The following ADAMTS14 variants were observed in gnomAD, a reference collection of about 807,000 sequenced individuals.
The protein encoded by ADAMTS14 is A disintegrin and metalloproteinase with thrombospondin motifs 14.
A neutral mutation model predicts 128.6 loss-of-function variants in ADAMTS14; 100 were observed. The observed-to-expected ratio is 0.78, with a 90% CI of 0.66 to 0.92. ADAMTS14 has a LOEUF of 0.92. ADAMTS14 is among the 40% of genes least tolerant of loss of function. The pLI is 0.00. For missense variants in ADAMTS14, 1,562 were observed against 1,658.6 expected (o/e 0.94, Z 1.01); for synonymous variants, 665 against 653.8 (o/e 1.02, Z -0.26).
At position 70,735,254 on chromosome 10, in the gene ADAMTS14, G is replaced by A; in HGVS notation, c.1438G>A (p.Glu480Lys). 1.2e-6 allele frequency: 2 copies of A among 1,614,072 alleles called. No individual in the cohort carries two copies. The highest frequency in any genetic ancestry group is 1.7e-5 in the Admixed American group (1 of 60,016). ...ELPGINYSMD[E>K]QCRFDFGSGY... Reference sequence around the variant, plus strand: ...GCCTGGGATCAACTACTCAATGGATGAGCAGTGCCGCTTTGACTTTGGCAG... The same window carrying A: ...GCCTGGGATCAACTACTCAATGGATAAGCAGTGCCGCTTTGACTTTGGCAG... The change falls in exon 9 of 22, where the codon GAG becomes AAG. Residue 480 changes from glutamate (E) to lysine (K), a missense_variant. By Grantham distance (56) the Glu-to-Lys change is moderately conservative (BLOSUM62 1). Transcript: ENST00000373207.
chr10:70,728,839 C>T (rs1841526306), intron 4 of ADAMTS14, among the ~76,000 whole-genome samples: 2 of 152,250 alleles, frequency 1.3e-5, no homozygotes, highest in Admixed American at 6.5e-5. Flanking sequence ...GGAGTGCCCA[C>T]TGCTGCCTCC....
intron 4 of ADAMTS14, among the ~76,000 whole-genome samples, chr10:70,725,689 T>C (rs912905819): frequency 6.6e-6 from 1 of 152,200 alleles, no homozygotes; most frequent in African/African-American, 2.4e-5. Flanking sequence ...CCTAATACCA[T>C]TCCCTTGGGA....
Position 70,744,062 on chromosome 10 carries a change from T to A in ADAMTS14, c.2059-4T>A. The stretch of plus-strand genomic sequence containing the variant: ...CCTCCCACTGACCTCACCTCTGGCC[T>A]CAGCCTGTCGGCTGTGACAAGGAGG... On this transcript the variant is annotated splice_region_variant and splice_polypyrimidine_tract_variant and intron_variant, in intron 13 of 21. Coordinates refer to ENST00000373207, the MANE Select transcript of ADAMTS14 (RefSeq NM_080722.4). 1 of 1,560,266 alleles carries A rather than the reference T, an allele frequency of 6.4e-7. No homozygotes were observed. Among genetic ancestry groups the A allele is most frequent in the South Asian group, 1.2e-5 (1 of 84,490 alleles).
chr10:70,679,904 G>A (rs182610915), intron 2 of ADAMTS14, among the ~76,000 whole-genome samples: 2 of 152,232 alleles, frequency 1.3e-5, no homozygotes, highest in African/African-American at 2.4e-5. Flanking sequence ...AAGCTCCTTC[G>A]GCACCTCCCT....
In ADAMTS14 at chr10:70,675,131, C is replaced by T. The variant is rs1839607241; in HGVS notation, c.522+136C>T. On this transcript the variant is annotated intron_variant, in intron 2 of 21. Transcript: ENST00000373207. ...TGCTGCCTTCCAGAGGGAGTGCCGC[C>T]TGCCCCCGCGGGCCACTAGGTTCAT... is the stretch of plus-strand genomic sequence containing the variant. 7.3e-6 allele frequency: 8 copies of T among 1,095,400 alleles called. No individual in the cohort carries two copies. The South Asian group carries it at 1.2e-4, about 17-fold the overall frequency. The allele number at this position is 1,095,400 out of a possible 1,614,324, so 67.9% of individuals were successfully genotyped here.
At chr10:70,744,643 C>G (rs1842119598) in intron 14 of ADAMTS14, among the ~76,000 whole-genome samples, 1 of 152,144 alleles carries the variant, frequency 6.6e-6, no homozygotes, top group East Asian at 1.9e-4. Flanking sequence ...TCTCTACCTC[C>G]AATCTGACCA....
chr10:70,675,828 G>A (rs984331483), intron 2 of ADAMTS14, among the ~76,000 whole-genome samples: 1 of 152,166 alleles, frequency 6.6e-6, no homozygotes, highest in African/African-American at 2.4e-5. Flanking sequence ...GGTCCTGTTG[G>A]GCAGCTCTTC....
At chr10:70,748,723 ATAGT>A (rs36134571) in intron 15 of ADAMTS14, among the ~76,000 whole-genome samples, 41,195 of 151,986 alleles carry the variant, frequency 0.27, 5,735 homozygotes, top group Admixed American at 0.38. Flanking sequence ...TGACTGGCAC[ATAGT>A]TAGTGTTCTC....
Position 70,749,878 on chromosome 10 carries a change from A to G in ADAMTS14, c.2320A>G (p.Thr774Ala). The G allele has an allele frequency of 6.2e-7, 1 of 1,614,100 alleles. No homozygotes were observed. The highest frequency in any genetic ancestry group is 1.3e-5 in the African/African-American group (1 of 75,048). The part of the protein sequence containing the change: ...FILNPKGKEA[T>A]SRTFTAMGLE... Reference sequence around the variant, plus strand: ...CCTCAACCCCAAGGGCAAGGAAGCCACAAGCCGGACCTTCACCGCCATGGG... The same window carrying G: ...CCTCAACCCCAAGGGCAAGGAAGCCGCAAGCCGGACCTTCACCGCCATGGG... Residue 774 changes from threonine to alanine, a missense_variant, in exon 16 of 22, where the codon ACA (threonine) becomes GCA (alanine). Transcript: ENST00000373207.
chr10:70,723,120 G>A (rs376928051), intron 4 of ADAMTS14, among the ~76,000 whole-genome samples: 5 of 152,262 alleles, frequency 3.3e-5, no homozygotes, highest in African/African-American at 9.6e-5. Context: ...TACCCCTGTG[G>A]GCTTCCTCCC....
intron 12 of ADAMTS14, among the ~76,000 whole-genome samples, chr10:70,741,582 G>A (rs980193929): frequency 1.3e-5 from 2 of 152,208 alleles, no homozygotes; most frequent in African/African-American, 4.8e-5. Flanking sequence ...CCAGTGTCCT[G>A]AGGAGCTCAG....
intron 14 of ADAMTS14, among the ~76,000 whole-genome samples, chr10:70,744,696 T>C (rs895132478): frequency 3.9e-5 from 6 of 152,194 alleles, no homozygotes; most frequent in Admixed American, 3.3e-4. Context: ...CTTCACACTT[T>C]AGTATAAATG....
chr10:70,710,643 TCC>T (rs1840822966), intron 4 of ADAMTS14, among the ~76,000 whole-genome samples: 1 of 152,232 alleles, frequency 6.6e-6, no homozygotes, highest in African/African-American at 2.4e-5. Flanking sequence ...CTCGGCCCCT[TCC>T]TGTCTTTGTG....
chr10:70,732,509 C>T, intron 7 of ADAMTS14, 150 bp downstream of exon 7: 1 of 683,616 alleles, frequency 1.5e-6, no homozygotes, highest in Non-Finnish European at 2.5e-6. Flanking sequence ...GGCATGGCCT[C>T]CTGCAGTTAC....
intron 21 of ADAMTS14, among the ~76,000 whole-genome samples, chr10:70,760,112 TG>T (rs1842570479): frequency 6.6e-6 from 1 of 152,188 alleles, no homozygotes; most frequent in Admixed American, 6.5e-5. Flanking sequence ...ACGCTGCTGC[TG>T]CTGCGTGTGG....
At chr10:70,739,011 TG>T in intron 11 of ADAMTS14, 21 bp downstream of exon 11, 1 of 1,521,208 alleles carries the variant, frequency 6.6e-7, no homozygotes. Flanking sequence ...TTGGCTAGGG[TG>T]GGGAGGGCAG....
intron 4 of ADAMTS14, among the ~76,000 whole-genome samples, chr10:70,719,250 A>G (rs1212198509): frequency 6.6e-6 from 1 of 152,082 alleles, no homozygotes; most frequent in African/African-American, 2.4e-5. Flanking sequence ...TGGGCAGAGA[A>G]TGATGTGCTG....
At chr10:70,745,771 G>A (rs2688749) in intron 15 of ADAMTS14, among the ~76,000 whole-genome samples, 92,414 of 151,914 alleles carry the variant, frequency 0.61, 28,695 homozygotes, top group East Asian at 0.84. Context: ...TCTTCTACTT[G>A]TCTTCTTGGA....
At chr10:70,714,263 ACT>A (rs1840949880) in intron 4 of ADAMTS14, among the ~76,000 whole-genome samples, 1 of 152,132 alleles carries the variant, frequency 6.6e-6, no homozygotes, top group East Asian at 1.9e-4. Flanking sequence ...TGGGAGCCAG[ACT>A]CTTTGTAGAC....
Sources: allele counts gnomAD v4.1 joint callset (sites outside exome capture counted in the v4.1 genomes callset), GRCh38; gene constraint gnomAD v4.1.1; transcripts MANE v1.5; gene names NCBI Gene and HGNC (gene_info 2026-07-23, HGNC 2026-07-21).